Variants in MTA1 observed in about 807,000 individuals in gnomAD.
The protein encoded by MTA1 is metastasis-associated protein MTA1.
In MTA1, 15 loss-of-function variants were observed where a neutral mutation model predicts 97.0. The observed-to-expected ratio is 0.15, with a 90% CI of 0.10 to 0.24. The LOEUF is 0.24. Ranked by LOEUF, MTA1 falls within the 10% of genes least tolerant of loss-of-function variation. MTA1 has a pLI of 1.00. For missense variants in MTA1, 709 were observed against 1,015.1 expected (o/e 0.70, Z 4.10); for synonymous variants, 435 against 417.5 (o/e 1.04, Z -0.51).
At chr14:105,438,204 G>A (rs1295255279) in intron 1 of MTA1, among the ~76,000 whole-genome samples, 1 of 152,180 alleles carries the variant, frequency 6.6e-6, no homozygotes, top group Non-Finnish European at 1.5e-5. Flanking sequence ...TGTGGGCAGG[G>A]CTGGTGGCTG....
At chr14:105,453,192 G>GGCC (rs1269099372) in intron 6 of MTA1, among the ~76,000 whole-genome samples, 3 of 152,294 alleles carry the variant, frequency 2.0e-5, no homozygotes, top group Non-Finnish European at 4.4e-5. Flanking sequence ...TGGCGGGAAG[G>GGCC]GCCGCGCCTG....
intron 6 of MTA1, among the ~76,000 whole-genome samples, chr14:105,453,153 C>T (rs1324789382): frequency 6.6e-6 from 1 of 152,266 alleles, no homozygotes; most frequent in African/African-American, 2.4e-5. Flanking sequence ...CCTGGGGGCC[C>T]TGGTGTGAGG....
At chr14:105,454,664 T>C (rs2083073962) in intron 7 of MTA1, 1 of 186,448 alleles carries the variant, frequency 5.4e-6, no homozygotes, top group Non-Finnish European at 1.1e-5. Flanking sequence ...TGGAGTGCAG[T>C]GGGGTGATCT....
intron 7 of MTA1, among the ~76,000 whole-genome samples, chr14:105,456,039 G>T (rs12891645): frequency 1.3e-5 from 2 of 151,886 alleles, no homozygotes; most frequent in East Asian, 1.9e-4. Flanking sequence ...CACTGTGCTG[G>T]GGCCCGGCCT....
At chr14:105,427,254 G>A (rs1381837895) in intron 1 of MTA1, among the ~76,000 whole-genome samples, 1 of 152,242 alleles carries the variant, frequency 6.6e-6, no homozygotes. Context: ...GTGCTTGGGT[G>A]CCTGCTGGGG....
chr14:105,434,730 AC>A (rs2082280733), intron 1 of MTA1, among the ~76,000 whole-genome samples: 1 of 151,674 alleles, frequency 6.6e-6, no homozygotes, highest in African/African-American at 2.4e-5. Context: ...TGAACTCCCA[AC>A]CTCAGGTGAT....
Position 105,420,122 on chromosome 14 carries a change from C to A in MTA1, c.28+59C>A. 1.1e-6 allele frequency: 1 copy of A among 870,666 alleles called. No individual in the cohort carries two copies. The highest frequency in any genetic ancestry group is 5.0e-5 in the South Asian group (1 of 19,960). The allele number at this position is 870,666 out of a possible 1,614,324, so 53.9% of individuals were successfully genotyped here. A position where few individuals can be genotyped will look rare whatever the true frequency, so the allele number is the denominator to read the frequency against. On this transcript the variant is annotated intron_variant, in intron 1 of 20. Coordinates refer to ENST00000331320, the MANE Select transcript of MTA1 (RefSeq NM_004689.4). The surrounding 1 kb of genome is among the most constrained non-coding windows in gnomAD (Gnocchi z 5.3). Reference sequence around the variant, plus strand: ...CCCGCCCGCAGCCCCCACCCGCCGCCGCTGCCGCCTCCCCCGCCCCTCTGC... The same window carrying A: ...CCCGCCCGCAGCCCCCACCCGCCGCAGCTGCCGCCTCCCCCGCCCCTCTGC...
intron 3 of MTA1, among the ~76,000 whole-genome samples, chr14:105,448,100 C>T (rs1555427662): frequency 6.6e-6 from 1 of 152,112 alleles, no homozygotes; most frequent in South Asian, 2.1e-4. Flanking sequence ...TTTCTCAGGA[C>T]AGAATGACAG....
At chr14:105,427,636 C>T (rs782143041) in intron 1 of MTA1, among the ~76,000 whole-genome samples, 1 of 152,106 alleles carries the variant, frequency 6.6e-6, no homozygotes. Context: ...AACAGAGGTA[C>T]GGTGTTCAGT....
chr14:105,433,837 A>G (rs1308905826), intron 1 of MTA1, among the ~76,000 whole-genome samples: 1 of 152,170 alleles, frequency 6.6e-6, no homozygotes, highest in Non-Finnish European at 1.5e-5. Context: ...GCTTTTTAAA[A>G]AAATTTTTTT....
At position 105,432,383 on chromosome 14, in the gene MTA1, G is replaced by GGT. The variant is rs57362174; in HGVS notation, c.29-6288_29-6287insTG. Among the ~76,000 whole-genome samples the GGT allele has an allele frequency of 5.6e-3, 849 of 152,276 alleles. 9 individuals are homozygous for GGT. Among genetic ancestry groups the GGT allele is most frequent in the African/African-American group, 0.019 (792 of 41,562 alleles). On this transcript the variant is annotated intron_variant, in intron 1 of 20. Transcript: ENST00000331320. ...AGCCTCCCAAGTAGCTGGGATTACA[G>GGT]GCACATGCCACCATGCCCGGCTAAT...
intron 18 of MTA1, chr14:105,466,958 C>A: frequency 1.7e-6 from 1 of 590,094 alleles, no homozygotes. Flanking sequence ...GCCCCCTGGC[C>A]CCGCCTCCTG....
intron 1 of MTA1, among the ~76,000 whole-genome samples, chr14:105,437,505 G>C (rs1415003310): frequency 6.6e-6 from 1 of 151,922 alleles, no homozygotes; most frequent in African/African-American, 2.4e-5. Context: ...CTGCAGGTGC[G>C]TCCTCACTGG....
intron 3 of MTA1, among the ~76,000 whole-genome samples, chr14:105,447,663 T>A (rs1245433317): frequency 6.6e-6 from 1 of 152,184 alleles, no homozygotes; most frequent in Non-Finnish European, 1.5e-5. Flanking sequence ...CCTGGAAAGC[T>A]GCGTGGCGGC....
chr14:105,458,499 G>C, intron 8 of MTA1, 127 bp downstream of exon 8: 1 of 813,844 alleles, frequency 1.2e-6, no homozygotes, highest in Non-Finnish European at 2.0e-6. Context: ...CCCATGCGCT[G>C]CAGCCCTGAG....
intron 2 of MTA1, among the ~76,000 whole-genome samples, chr14:105,444,120 C>A (rs587627439): frequency 2.7e-5 from 4 of 146,490 alleles, no homozygotes; most frequent in African/African-American, 7.6e-5. Context: ...ACGCCTGTAA[C>A]CCCAGCACTT....
chr14:105,466,550 C>G lies in MTA1; in HGVS notation c.1749C>G (p.Arg583=), dbSNP rs1165406847. The change falls in exon 17 of 21, where the codon CGC becomes CGG. Residue 583 remains arginine (R), a synonymous_variant. Coordinates refer to ENST00000331320, the MANE Select transcript of MTA1 (RefSeq NM_004689.4). ...GCTCCCCCACCATCCTGGGCAAGCG[C>G]AGCTACGAGCAGCACAACGGGGTGG... is the stretch of plus-strand genomic sequence containing the variant. ...NNGSPTILGK[R]SYEQHNGVDG... is the part of the protein sequence containing the mutation. 24 of 1,582,742 alleles carry G rather than the reference C, an allele frequency of 1.5e-5. No homozygotes were observed. The Admixed American group carries it at 2.9e-4, about 19-fold the overall frequency.
At chr14:105,433,017 C>T (rs2082223994) in intron 1 of MTA1, among the ~76,000 whole-genome samples, 1 of 152,130 alleles carries the variant, frequency 6.6e-6, no homozygotes, top group African/African-American at 2.4e-5. Flanking sequence ...ATATAGGGGC[C>T]CCAAGACCAC....
chr14:105,433,996 T>A (rs2082257005), intron 1 of MTA1, among the ~76,000 whole-genome samples: 1 of 152,088 alleles, frequency 6.6e-6, no homozygotes, highest in African/African-American at 2.4e-5. Flanking sequence ...CCTGGCTAAT[T>A]TTTTGTATTT....
Sources: allele counts gnomAD v4.1 joint callset (sites outside exome capture counted in the v4.1 genomes callset), GRCh38; gene constraint gnomAD v4.1.1; non-coding constraint Gnocchi (gnomAD v3.1); transcripts MANE v1.5; gene names NCBI Gene and HGNC (gene_info 2026-07-23, HGNC 2026-07-21).